Variants in SLC10A7 observed in about 807,000 individuals in gnomAD.
SLC10A7 encodes solute carrier family 10 member 7.
A neutral mutation model predicts 43.2 loss-of-function variants in SLC10A7; 29 were observed. That is an observed-to-expected ratio of 0.67 (90% CI 0.50 to 0.92). The LOEUF (loss-of-function observed/expected upper bound fraction) is 0.92. SLC10A7 is among the 40% of genes least tolerant of loss of function. The pLI is 0.00. For synonymous variants in SLC10A7, 152 were observed against 144.8 expected (o/e 1.05, Z -0.35); for missense variants, 295 against 403.2 (o/e 0.73, Z 2.30).
intron 10 of SLC10A7, among the ~76,000 whole-genome samples, chr4:146,265,682 A>C (rs1374953847): frequency 6.6e-6 from 1 of 152,210 alleles, no homozygotes; most frequent in Non-Finnish European, 1.5e-5. Flanking sequence ...TTGGTTATTT[A>C]TGAATAGGTG....
intron 5 of SLC10A7, among the ~76,000 whole-genome samples, chr4:146,345,575 T>G (rs566382331): frequency 2.0e-4 from 31 of 152,232 alleles, no homozygotes; most frequent in African/African-American, 7.5e-4. Context: ...ATCAAGGAAG[T>G]CTTTCTGCCA....
chr4:146,469,944 T>C (rs1733412706), intron 4 of SLC10A7, among the ~76,000 whole-genome samples: 3 of 152,056 alleles, frequency 2.0e-5, no homozygotes, highest in Admixed American at 2.0e-4. Flanking sequence ...CAAAACAACT[T>C]TAAAACAAAA....
intron 5 of SLC10A7, among the ~76,000 whole-genome samples, chr4:146,439,960 A>G (rs1730472117): frequency 6.6e-6 from 1 of 152,206 alleles, no homozygotes; most frequent in Non-Finnish European, 1.5e-5. Flanking sequence ...CTTCTTCCTA[A>G]TCCCAACTCA....
rs1348334723 is a variant in SLC10A7, at chr4:146,468,586, C to T, written c.397-25765G>A. Among the ~76,000 whole-genome samples the T allele has an allele frequency of 1.1e-4, 17 of 151,772 alleles. No individual in the cohort carries two copies. The East Asian group carries it at 3.1e-3, about 28-fold the overall frequency. ...CAGGGTTTAAGCAAGTCTCCTGCCT[C>T]AGCCCCCTGAGTAGCTAGGACTACA... On this transcript the variant is annotated intron_variant, in intron 4 of 11. Coordinates refer to ENST00000335472, the MANE Select transcript of SLC10A7 (RefSeq NM_001029998.6).
chr4:146,387,199 CAT>C (rs1019555478), intron 5 of SLC10A7, among the ~76,000 whole-genome samples: 1 of 152,128 alleles, frequency 6.6e-6, no homozygotes, highest in Non-Finnish European at 1.5e-5. Context: ...CCCTGATTAA[CAT>C]AGATGCAAGA....
chr4:146,357,563 T>C (rs1242627537), intron 5 of SLC10A7, among the ~76,000 whole-genome samples: 1 of 152,190 alleles, frequency 6.6e-6, no homozygotes, highest in African/African-American at 2.4e-5. Flanking sequence ...ACAACAACCA[T>C]GCTCTACCAT....
At chr4:146,302,580 GA>G (rs1731234473) in intron 7 of SLC10A7, among the ~76,000 whole-genome samples, 1 of 152,310 alleles carries the variant, frequency 6.6e-6, no homozygotes, top group African/African-American at 2.4e-5. Flanking sequence ...ATGGTTCAAA[GA>G]AGGCTTCATT....
At chr4:146,317,801 T>C (rs1482258243) in intron 6 of SLC10A7, among the ~76,000 whole-genome samples, 1 of 151,894 alleles carries the variant, frequency 6.6e-6, no homozygotes, top group African/African-American at 2.4e-5. Flanking sequence ...CAACCCCCAG[T>C]TCTTAGGCCT....
At chr4:146,354,638 A>G (rs1300731799) in intron 5 of SLC10A7, among the ~76,000 whole-genome samples, 2 of 151,086 alleles carry the variant, frequency 1.3e-5, no homozygotes, top group Non-Finnish European at 2.9e-5. Context: ...ACTTCAAACT[A>G]TACTACAAGG....
rs79054948 is a variant in SLC10A7 at position 146,299,252 on chromosome 4, T to C, written c.556-5157A>G. 7.5e-3 allele frequency among the ~76,000 whole-genome samples: 1,143 copies of C among 152,298 alleles called. 15 individuals carry two copies. Among genetic ancestry groups the C allele is most frequent in the African/African-American group, 0.026 (1,085 of 41,572 alleles). ...TAGCCTGCCATGCAGGACACCTGAT[T>C]CCTCTGAACTAGCACATATGTGTAC... is the stretch of plus-strand genomic sequence containing the variant. On this transcript the variant is annotated intron_variant, in intron 7 of 11. Transcript: ENST00000335472.
chr4:146,295,160 C>T (rs995310153), intron 7 of SLC10A7, among the ~76,000 whole-genome samples: 1 of 152,140 alleles, frequency 6.6e-6, no homozygotes, highest in Admixed American at 6.5e-5. Context: ...AAACTACTCT[C>T]AATAGAATCT....
chr4:146,394,561 C>G (rs1246097709), intron 5 of SLC10A7, among the ~76,000 whole-genome samples: 1 of 151,986 alleles, frequency 6.6e-6, no homozygotes, highest in Non-Finnish European at 1.5e-5. Flanking sequence ...GGGGTTTTGC[C>G]ATGTTGCCCA....
intron 4 of SLC10A7, among the ~76,000 whole-genome samples, chr4:146,499,055 C>A (rs1318501167): frequency 6.6e-6 from 1 of 152,076 alleles, no homozygotes; most frequent in African/African-American, 2.4e-5. Flanking sequence ...AACAAATATG[C>A]TATACAACCA....
rs866119781 is a variant in SLC10A7 at position 146,481,348 on chromosome 4, G to A, written c.396+22501C>T. On this transcript the variant is annotated intron_variant, in intron 4 of 11. Transcript: ENST00000335472. ...CTCTCCAGAGAGTAAAGTCATTGCT[G>A]CACTGTGCCCCACGCCCCACAAGCC... 2.6e-5 allele frequency among the ~76,000 whole-genome samples: 4 copies of A among 152,286 alleles called. No homozygotes were observed. In the South Asian group the frequency reaches 6.2e-4, roughly 24 times the overall value.
At chr4:146,465,570 G>A (rs1415733602) in intron 4 of SLC10A7, among the ~76,000 whole-genome samples, 1 of 151,970 alleles carries the variant, frequency 6.6e-6, no homozygotes, top group Admixed American at 6.6e-5. Context: ...TGTGTTTCTT[G>A]CAAAGTTACT....
intron 10 of SLC10A7, among the ~76,000 whole-genome samples, chr4:146,273,517 G>A (rs887285793): frequency 6.6e-6 from 1 of 152,122 alleles, no homozygotes; most frequent in Non-Finnish European, 1.5e-5. Flanking sequence ...CTCGAAGGGT[G>A]GTTAGAGGTT....
chr4:146,303,055 T>C (rs1485604881), intron 7 of SLC10A7, among the ~76,000 whole-genome samples: 1 of 152,100 alleles, frequency 6.6e-6, no homozygotes, highest in Non-Finnish European at 1.5e-5. Context: ...TCACCCAAGG[T>C]CACAGCCCTC....
intron 5 of SLC10A7, among the ~76,000 whole-genome samples, chr4:146,403,885 G>A (rs183032831): frequency 8.6e-4 from 131 of 152,266 alleles, no homozygotes; most frequent in Admixed American, 4.3e-3. Context: ...CATGCAAAGT[G>A]TGCAGCAGAG....
intron 1 of SLC10A7, among the ~76,000 whole-genome samples, chr4:146,519,645 A>G (rs1367892889): frequency 1.3e-5 from 2 of 152,284 alleles, no homozygotes; most frequent in South Asian, 4.2e-4. Flanking sequence ...GCAGCTAAGC[A>G]AGGTGATTCA....
Sources: allele counts gnomAD v4.1 joint callset (sites outside exome capture counted in the v4.1 genomes callset), GRCh38; gene constraint gnomAD v4.1.1; transcripts MANE v1.5; gene names NCBI Gene and HGNC (gene_info 2026-07-23, HGNC 2026-07-21).